Variants in BMPR1B observed in about 807,000 individuals in gnomAD.
BMPR1B encodes bone morphogenetic protein receptor type 1B, also known as bone morphogenetic protein receptor type-1B.
A neutral mutation model predicts 59.1 loss-of-function variants in BMPR1B; 12 were observed. The observed-to-expected ratio is 0.20, with a 90% CI of 0.13 to 0.33. BMPR1B has a LOEUF of 0.33. BMPR1B is among the 10% of genes least tolerant of loss of function. The pLI is 1.00. For missense variants in BMPR1B, 550 were observed against 610.9 expected, an observed-to-expected ratio of 0.90 and a Z score of 1.05; for synonymous variants, 237 against 207.3, an observed-to-expected ratio of 1.14 and a Z score of -1.23.
intron 1 of BMPR1B, among the ~76,000 whole-genome samples, chr4:94,846,114 A>G (rs1423076042): frequency 1.3e-5 from 2 of 152,204 alleles, no homozygotes; most frequent in Non-Finnish European, 2.9e-5. Flanking sequence ...AAAAACAGAT[A>G]CATGTTACCA....
In BMPR1B at chr4:95,158,277, A is replaced by G. The variant is rs1027684749; in HGVS notation, c.*3604A>G. On this transcript the variant is annotated 3_prime_UTR_variant, in exon 13 of 13. Coordinates refer to ENST00000515059, the MANE Select transcript of BMPR1B (RefSeq NM_001203.3). ...ATAGGGGTTTCGTTGTCTGTTTCACAAGAAGACTCATTTGTTCTTTTGGGG... is the reference window on the plus strand; with the variant it reads ...ATAGGGGTTTCGTTGTCTGTTTCACGAGAAGACTCATTTGTTCTTTTGGGG... 5.3e-5 allele frequency: 8 copies of G among 152,208 alleles called. No individual in the cohort carries two copies. The highest frequency in any genetic ancestry group is 1.7e-4 in the African/African-American group (7 of 41,456). 9.4% of individuals were successfully genotyped at this position (152,208 alleles called of 1,614,324 possible).
intron 2 of BMPR1B, among the ~76,000 whole-genome samples, chr4:94,885,086 A>C (rs1459763630): frequency 1.3e-5 from 2 of 152,156 alleles, no homozygotes; most frequent in Admixed American, 6.5e-5. Flanking sequence ...AAAATGTGTT[A>C]AGACAGAACA....
At chr4:94,821,084 A>G (rs1013811968) in intron 1 of BMPR1B, among the ~76,000 whole-genome samples, 3 of 152,360 alleles carry the variant, frequency 2.0e-5, no homozygotes, top group African/African-American at 7.2e-5. Flanking sequence ...TCAGAATTTC[A>G]TGTTTACACA....
intron 1 of BMPR1B, among the ~76,000 whole-genome samples, chr4:94,862,129 G>A (rs1046208572): frequency 4.0e-5 from 6 of 151,650 alleles, no homozygotes; most frequent in Admixed American, 3.3e-4. Flanking sequence ...AATGACTTGG[G>A]AGATTCCAAA....
At chr4:94,785,067 G>A (rs999384282) in intron 1 of BMPR1B, among the ~76,000 whole-genome samples, 4 of 152,172 alleles carry the variant, frequency 2.6e-5, no homozygotes, top group African/African-American at 9.7e-5. Flanking sequence ...ATAGAAAGGA[G>A]CTGAGACAAA....
chr4:94,838,481 G>C (rs879408356), intron 1 of BMPR1B, among the ~76,000 whole-genome samples: 17,612 of 125,054 alleles, frequency 0.14, 1,965 homozygotes, highest in Non-Finnish European at 0.18. Context: ...TCCTGGTTTA[G>C]TCTTGGGAGA....
intron 3 of BMPR1B, among the ~76,000 whole-genome samples, chr4:95,014,997 A>G (rs1037909812): frequency 2.6e-5 from 4 of 152,176 alleles, no homozygotes; most frequent in African/African-American, 9.6e-5. Flanking sequence ...GGTGTGGTCC[A>G]TGGACCCTTG....
At chr4:94,795,361 G>C (rs1256222565) in intron 1 of BMPR1B, among the ~76,000 whole-genome samples, 8 of 151,628 alleles carry the variant, frequency 5.3e-5, no homozygotes, top group Non-Finnish European at 1.2e-4. Context: ...TGCATCCCAG[G>C]GATGAAGCCC....
chr4:94,978,150 A>C (rs1578874170), intron 2 of BMPR1B, among the ~76,000 whole-genome samples: 1 of 152,158 alleles, frequency 6.6e-6, no homozygotes. Context: ...ACATGTTTTG[A>C]GTATTTTTTT....
At chr4:95,067,097 A>G (rs1727869270) in intron 3 of BMPR1B, among the ~76,000 whole-genome samples, 1 of 152,196 alleles carries the variant, frequency 6.6e-6, no homozygotes, top group Non-Finnish European at 1.5e-5. Context: ...GAATGATTTA[A>G]TAGAACTTTG....
chr4:94,844,223 TTGTGTGTGTGTGTG>T lies in BMPR1B; in HGVS notation c.-182-31587_-182-31574del, dbSNP rs150471976. Among the ~76,000 whole-genome samples the T allele has an allele frequency of 1.2e-4, 18 of 146,658 alleles. No homozygotes were observed. In the South Asian group the frequency reaches 2.6e-3, roughly 21 times the overall value. ...GTAGCCATTCTATTCTGAATCATCT[TTGTGTGTGTGTGTG>T]TGTGTGTGTGTGTGTGTGTGAATCT... On this transcript the variant is annotated intron_variant, in intron 1 of 12. Transcript: ENST00000515059.
chr4:95,149,620 A>G (rs1454665925), intron 11 of BMPR1B, among the ~76,000 whole-genome samples: 1 of 152,168 alleles, frequency 6.6e-6, no homozygotes, highest in African/African-American at 2.4e-5. Flanking sequence ...TTAGGCAAGG[A>G]GCTGAATCTT....
At chr4:95,024,038 C>T (rs1460477029) in intron 3 of BMPR1B, among the ~76,000 whole-genome samples, 1 of 152,124 alleles carries the variant, frequency 6.6e-6, no homozygotes, top group East Asian at 1.9e-4. Context: ...CATTAGGCCA[C>T]TCCAAAAATA....
chr4:94,860,592 A>G (rs1353919268), intron 1 of BMPR1B, among the ~76,000 whole-genome samples: 1 of 152,166 alleles, frequency 6.6e-6, no homozygotes, highest in Non-Finnish European at 1.5e-5. Flanking sequence ...ATAGCCAGGC[A>G]TATTCTGTTT....
chr4:94,925,832 A>G (rs1728862968), intron 2 of BMPR1B, among the ~76,000 whole-genome samples: 1 of 152,138 alleles, frequency 6.6e-6, no homozygotes, highest in South Asian at 2.1e-4. Flanking sequence ...GTGGAAAATA[A>G]CTTTTCTTAG....
At chr4:94,778,565 A>C (rs1036718280) in intron 1 of BMPR1B, among the ~76,000 whole-genome samples, 2 of 152,188 alleles carry the variant, frequency 1.3e-5, no homozygotes, top group African/African-American at 2.4e-5. Context: ...GTGCACCAGT[A>C]ACAAGATGCT....
chr4:94,759,583 A>T (rs1721677122), intron 1 of BMPR1B, among the ~76,000 whole-genome samples: 1 of 152,188 alleles, frequency 6.6e-6, no homozygotes, highest in Non-Finnish European at 1.5e-5. Flanking sequence ...GTCAACTGGG[A>T]TGTTAGTATT....
At chr4:94,823,036 C>T (rs1237463777) in intron 1 of BMPR1B, among the ~76,000 whole-genome samples, 1 of 152,088 alleles carries the variant, frequency 6.6e-6, no homozygotes, top group African/African-American at 2.4e-5. Flanking sequence ...TTCAAGTTAA[C>T]TTTTGGTATC....
chr4:94,859,444 G>A (rs1221728431), intron 1 of BMPR1B, among the ~76,000 whole-genome samples: 2 of 152,082 alleles, frequency 1.3e-5, no homozygotes, highest in African/African-American at 4.8e-5. Flanking sequence ...CAAGAAACCA[G>A]TTTTATTTTG....
Sources: gnomAD v4.1 joint callset for allele counts (sites outside exome capture counted in the v4.1 genomes callset) on GRCh38, gnomAD v4.1.1 for gene constraint, MANE v1.5 for transcripts, NCBI Gene and HGNC (gene_info 2026-07-23, HGNC 2026-07-21) for gene names.